Variants in RUNX1 observed in about 807,000 individuals in gnomAD.
The protein encoded by RUNX1 is RUNX family transcription factor 1.
In RUNX1, 19 loss-of-function variants were observed where a neutral mutation model predicts 42.8. That is an observed-to-expected ratio of 0.44 (90% CI 0.31 to 0.65). The LOEUF (loss-of-function observed/expected upper bound fraction) is 0.65, where lower values mean the gene tolerates loss of function less well. Ranked by LOEUF, RUNX1 falls within the 30% of genes least tolerant of loss-of-function variation. The pLI is 0.07. For missense variants in RUNX1, 528 were observed against 672.0 expected, an observed-to-expected ratio of 0.79 and a Z score of 2.37; for synonymous variants, 271 against 289.4, an observed-to-expected ratio of 0.94 and a Z score of 0.64.
At chr21:34,794,025 C>T (rs1011263563) in intron 8 of RUNX1, among the ~76,000 whole-genome samples, 3 of 151,812 alleles carry the variant, frequency 2.0e-5, no homozygotes, top group African/African-American at 7.3e-5. Flanking sequence ...ATTCTCTGGC[C>T]CCTTACAGAA....
rs1443065040 is a variant in RUNX1 at position 34,789,617 on chromosome 21, CAT to C, written c.*2516_*2517del. The C allele has an allele frequency of 6.9e-5, 16 of 233,506 alleles. No homozygotes were observed. The highest frequency in any genetic ancestry group is 1.1e-4 in the Admixed American group (2 of 17,792). 14.5% of individuals were successfully genotyped at this position (233,506 alleles called of 1,614,324 possible). A position where few individuals can be genotyped will look rare whatever the true frequency, so the allele number is the denominator to read the frequency against. The stretch of plus-strand genomic sequence containing the variant: ...ACACACACACACGCACACACACACA[CAT>C]ACAAAAATGTGTTGCGTGAGACCTA... On this transcript the variant is annotated 3_prime_UTR_variant, in exon 9 of 9. Coordinates refer to ENST00000675419, the MANE Select transcript of RUNX1 (RefSeq NM_001754.5).
At chr21:34,834,346 G>A (rs1455681125) in intron 7 of RUNX1, 64 bp downstream of exon 7, 2 of 1,532,378 alleles carry the variant, frequency 1.3e-6, no homozygotes, top group Non-Finnish European at 1.8e-6. Context: ...TGCACATGGG[G>A]GCCAGTTGTG....
chr21:34,806,845 AT>A (rs1307737551), intron 7 of RUNX1, among the ~76,000 whole-genome samples: 1 of 152,220 alleles, frequency 6.6e-6, no homozygotes, highest in Non-Finnish European at 1.5e-5. Context: ...ATATTTGGAG[AT>A]TAAACAACAT....
chr21:34,880,909 G>A (rs901267607), intron 4 of RUNX1, among the ~76,000 whole-genome samples, 196 bp from the exon 5 acceptor site: 4 of 152,104 alleles, frequency 2.6e-5, no homozygotes, highest in African/African-American at 7.2e-5. Context: ...TTATATTTTA[G>A]GTTGGTGCAA....
At chr21:35,016,256 G>A (rs987666877) in intron 2 of RUNX1, among the ~76,000 whole-genome samples, 24 of 152,320 alleles carry the variant, frequency 1.6e-4, no homozygotes, top group South Asian at 4.1e-4. Flanking sequence ...CTTCCCTTGC[G>A]CGTGGGGTGT....
At chr21:34,950,766 C>A (rs1038627294) in intron 2 of RUNX1, among the ~76,000 whole-genome samples, 1 of 152,130 alleles carries the variant, frequency 6.6e-6, no homozygotes, top group Non-Finnish European at 1.5e-5. Context: ...TAGGTGATGA[C>A]TTAGTTACAT....
At chr21:34,926,222 C>A (rs1232172064) in intron 2 of RUNX1, among the ~76,000 whole-genome samples, 1 of 151,682 alleles carries the variant, frequency 6.6e-6, no homozygotes, top group African/African-American at 2.4e-5. Flanking sequence ...TACCTGTAAT[C>A]CCAGCATTTT....
At chr21:34,978,697 A>G (rs972620275) in intron 2 of RUNX1, among the ~76,000 whole-genome samples, 2 of 152,204 alleles carry the variant, frequency 1.3e-5, no homozygotes, top group African/African-American at 2.4e-5. Context: ...AGATCAAGGC[A>G]AGGAAATTCC....
At chr21:34,838,703 A>G (rs1037482293) in intron 6 of RUNX1, among the ~76,000 whole-genome samples, 9 of 152,102 alleles carry the variant, frequency 5.9e-5, no homozygotes, top group African/African-American at 1.9e-4. Flanking sequence ...TGTGTAGAGA[A>G]CAGCTTACTT....
intron 3 of RUNX1, chr21:34,888,359 C>A (rs1312308909): frequency 1.9e-5 from 20 of 1,067,890 alleles, no homozygotes; most frequent in South Asian, 4.5e-5. Flanking sequence ...CACGCACACG[C>A]AACTTCACGG....
chr21:35,047,561 ACT>A (rs55862184), intron 2 of RUNX1, among the ~76,000 whole-genome samples: 1,293 of 46,426 alleles, frequency 0.028, 11 homozygotes, highest in South Asian at 0.075. Flanking sequence ...ACACACACAC[ACT>A]CTCTCTCTCT....
At chr21:34,837,776 A>T (rs565989063) in intron 6 of RUNX1, among the ~76,000 whole-genome samples, 2 of 152,334 alleles carry the variant, frequency 1.3e-5, no homozygotes, top group African/African-American at 4.8e-5. Context: ...CTTCTTCAGC[A>T]TGTTTGGAAT....
chr21:34,924,638 C>T (rs1601576301), intron 2 of RUNX1, among the ~76,000 whole-genome samples: 3 of 152,236 alleles, frequency 2.0e-5, no homozygotes, highest in Non-Finnish European at 1.5e-5. Flanking sequence ...CAAAGAGGAA[C>T]GTGGGAGCCA....
chr21:34,990,109 A>G (rs773114627), intron 2 of RUNX1, among the ~76,000 whole-genome samples: 2 of 152,098 alleles, frequency 1.3e-5, no homozygotes, highest in Non-Finnish European at 1.5e-5. Context: ...CTAAGGTTCT[A>G]TCTCTGTGCT....
At chr21:35,011,442 T>C (rs561143213) in intron 2 of RUNX1, among the ~76,000 whole-genome samples, 13 of 152,348 alleles carry the variant, frequency 8.5e-5, no homozygotes, top group African/African-American at 2.9e-4. Flanking sequence ...GGAATAGACA[T>C]GGCTCTTTGC....
chr21:34,806,003 CAG>C (rs1051316277), intron 7 of RUNX1, among the ~76,000 whole-genome samples: 23 of 152,074 alleles, frequency 1.5e-4, no homozygotes, highest in Middle Eastern at 6.8e-3. Context: ...AATATGCTAA[CAG>C]AGGAGATAAA....
chr21:34,888,697 A>C (rs2058034863), intron 3 of RUNX1: 31 of 1,036,392 alleles, frequency 3.0e-5, no homozygotes, highest in Non-Finnish European at 3.6e-5. Context: ...TATGAATGAG[A>C]GTGCCTGGAA....
intron 8 of RUNX1, chr21:34,798,164 A>G (rs916801416): frequency 2.2e-6 from 1 of 456,410 alleles, no homozygotes; most frequent in Non-Finnish European, 4.4e-6. Flanking sequence ...CTGCCCCCTA[A>G]TCTGCTATAA....
intron 6 of RUNX1, among the ~76,000 whole-genome samples, chr21:34,857,696 G>T (rs938737777): frequency 1.3e-5 from 2 of 152,102 alleles, no homozygotes; most frequent in African/African-American, 2.4e-5. Context: ...TCCCAGCCAG[G>T]CCCCTTGCCA....
Sources: allele counts gnomAD v4.1 joint callset (sites outside exome capture counted in the v4.1 genomes callset), GRCh38; gene constraint gnomAD v4.1.1; transcripts MANE v1.5; gene names NCBI Gene and HGNC (gene_info 2026-07-23, HGNC 2026-07-21).